FRAS1: variants seen among roughly 807,000 people sequenced by gnomAD.
The protein encoded by FRAS1 is Fraser extracellular matrix complex subunit 1.
A neutral mutation model predicts 435.2 loss-of-function variants in FRAS1; 290 were observed. The ratio of observed to expected loss-of-function variants is 0.67; its 90% CI spans 0.61 to 0.73. The LOEUF is 0.73. Among genes scored for constraint, FRAS1 ranks in the 30% least tolerant of loss-of-function variants. The probability of loss-of-function intolerance (pLI) is 0.00; values close to 1 mark genes in which losing one functional copy is unlikely to be tolerated. For synonymous variants in FRAS1, 1,800 were observed against 1,851.0 expected (o/e 0.97, Z 0.71); for missense variants, 4,860 against 5,001.5 (o/e 0.97, Z 0.85).
intron 20 of FRAS1, among the ~76,000 whole-genome samples, chr4:78,355,903 C>T (rs1208871583): frequency 6.6e-6 from 1 of 152,092 alleles, no homozygotes; most frequent in Non-Finnish European, 1.5e-5. Context: ...ATGGTGTGGG[C>T]CCATCAAAGA....
intron 2 of FRAS1, among the ~76,000 whole-genome samples, chr4:78,112,891 T>C (rs1446343861): frequency 6.6e-6 from 1 of 152,196 alleles, no homozygotes; most frequent in Non-Finnish European, 1.5e-5. Context: ...GTTTGTTTCA[T>C]ATGTATACAT....
intron 2 of FRAS1, among the ~76,000 whole-genome samples, chr4:78,176,906 A>T (rs2110044864): frequency 6.6e-6 from 1 of 152,196 alleles, no homozygotes; most frequent in East Asian, 1.9e-4. Context: ...CTACCATTCA[A>T]CCTACTCTTG....
At chr4:78,224,502 G>A (rs1293142964) in intron 2 of FRAS1, among the ~76,000 whole-genome samples, 2 of 152,106 alleles carry the variant, frequency 1.3e-5, no homozygotes, top group Admixed American at 6.5e-5. Context: ...TAATTGCTCA[G>A]TAAATAGTAG....
At chr4:78,436,149 A>G (rs1239135831) in intron 38 of FRAS1, among the ~76,000 whole-genome samples, 4 of 152,212 alleles carry the variant, frequency 2.6e-5, no homozygotes, top group Non-Finnish European at 5.9e-5. Flanking sequence ...CAAAGAAAAT[A>G]TAACACTCCT....
intron 15 of FRAS1, among the ~76,000 whole-genome samples, chr4:78,310,470 T>C (rs1728971141): frequency 6.6e-6 from 1 of 152,166 alleles, no homozygotes; most frequent in Admixed American, 6.5e-5. Context: ...TGTACACATT[T>C]TGAAAAACAT....
chr4:78,511,995 G>A (rs891770274), intron 64 of FRAS1, among the ~76,000 whole-genome samples: 1 of 152,178 alleles, frequency 6.6e-6, no homozygotes, highest in Non-Finnish European at 1.5e-5. Context: ...CCCTTTAGTA[G>A]ATGGTAAGGC....
At chr4:78,125,166 C>T (rs1168546883) in intron 2 of FRAS1, among the ~76,000 whole-genome samples, 1 of 152,132 alleles carries the variant, frequency 6.6e-6, no homozygotes, top group African/African-American at 2.4e-5. Flanking sequence ...TTAAATGTGT[C>T]CTAGTGATTT....
intron 9 of FRAS1, among the ~76,000 whole-genome samples, chr4:78,270,042 C>A (rs1726572906): frequency 1.3e-5 from 2 of 152,238 alleles, no homozygotes; most frequent in Admixed American, 6.5e-5. Context: ...TTCTGTCTGG[C>A]CTATGCAACA....
At position 78,526,772 on chromosome 4, in the gene FRAS1, C is replaced by G. The variant is rs1168404178; in HGVS notation, c.10925+115C>G. The G allele has an allele frequency of 4.6e-6, 3 of 656,614 alleles. No homozygotes were observed. The East Asian group carries it at 9.1e-5, about 20-fold the overall frequency. 40.7% of individuals were successfully genotyped at this position (656,614 alleles called of 1,614,324 possible). A position where few individuals can be genotyped will look rare whatever the true frequency, so the allele number is the denominator to read the frequency against. ...AACATGGTGCTTTCATAGTCATTCA[C>G]TGACATGCACAGCAGAGTCACAAAA... On this transcript the variant is annotated intron_variant, in intron 70 of 73. Transcript: ENST00000512123.
intron 2 of FRAS1, among the ~76,000 whole-genome samples, chr4:78,144,901 A>G (rs1256546338): frequency 6.6e-6 from 1 of 152,218 alleles, no homozygotes; most frequent in African/African-American, 2.4e-5. Context: ...CTTTTTTGCA[A>G]TTATAAATAG....
intron 14 of FRAS1, among the ~76,000 whole-genome samples, chr4:78,291,031 G>A (rs1299773631): frequency 6.6e-6 from 1 of 152,152 alleles, no homozygotes; most frequent in African/African-American, 2.4e-5. Context: ...CTCCCAAAGT[G>A]CTGGGATTAC....
intron 2 of FRAS1, among the ~76,000 whole-genome samples, chr4:78,233,926 A>C (rs1370890967): frequency 6.6e-6 from 1 of 152,208 alleles, no homozygotes; most frequent in Non-Finnish European, 1.5e-5. Flanking sequence ...CATGTATGTA[A>C]GGGCTTTGTG....
intron 26 of FRAS1, among the ~76,000 whole-genome samples, chr4:78,376,371 G>A (rs1330614097): frequency 6.6e-6 from 1 of 152,124 alleles, no homozygotes; most frequent in Non-Finnish European, 1.5e-5. Flanking sequence ...ACTGAATACT[G>A]TAGGCAATCG....
chr4:78,273,094 G>C (rs929203843), intron 9 of FRAS1, among the ~76,000 whole-genome samples: 4 of 152,052 alleles, frequency 2.6e-5, no homozygotes, highest in South Asian at 2.1e-4. Context: ...GGGAGTTCAT[G>C]CATGATTTGG....
intron 3 of FRAS1, among the ~76,000 whole-genome samples, chr4:78,243,308 A>G (rs1725086752): frequency 1.3e-5 from 2 of 152,194 alleles, no homozygotes; most frequent in Non-Finnish European, 2.9e-5. Context: ...AGTGTTAGCT[A>G]TAATGATCAA....
intron 4 of FRAS1, among the ~76,000 whole-genome samples, chr4:78,249,070 T>TATATATGCATATATATATATGC (rs1553934049): frequency 9.2e-6 from 1 of 109,044 alleles, no homozygotes; most frequent in Non-Finnish European, 2.0e-5. Context: ...TATGCATATA[T>TATATATGCATATATATATATGC]ATATATATAT....
intron 29 of FRAS1, among the ~76,000 whole-genome samples, chr4:78,400,456 TA>T (rs1228064394): frequency 6.6e-6 from 1 of 152,168 alleles, no homozygotes; most frequent in Non-Finnish European, 1.5e-5. Flanking sequence ...GGTTGATGGA[TA>T]GATGAAAGAA....
At chr4:78,509,552 G>T (rs1291457793) in intron 63 of FRAS1, among the ~76,000 whole-genome samples, 1 of 152,210 alleles carries the variant, frequency 6.6e-6, no homozygotes, top group Non-Finnish European at 1.5e-5. Flanking sequence ...TTAAATAAAA[G>T]AATAGAATGG....
At chr4:78,380,042 T>C in intron 27 of FRAS1, 46 bp downstream of exon 27, 1 of 1,593,570 alleles carries the variant, frequency 6.3e-7, no homozygotes, top group South Asian at 1.1e-5. Context: ...TTTCCATCAT[T>C]GCTTTTCCAC....
Sources: allele counts gnomAD v4.1 joint callset (sites outside exome capture counted in the v4.1 genomes callset), GRCh38; gene constraint gnomAD v4.1.1; transcripts MANE v1.5; gene names NCBI Gene and HGNC (gene_info 2026-07-23, HGNC 2026-07-21).